GIGYF2: variants seen among roughly 807,000 people sequenced by gnomAD.
GIGYF2 encodes the protein GRB10-interacting GYF protein 2.
A neutral mutation model predicts 208.1 loss-of-function variants in GIGYF2; 25 were observed. That is an observed-to-expected ratio of 0.12 (90% CI 0.09 to 0.17). The LOEUF is 0.17. GIGYF2 is among the 10% of genes least tolerant of loss of function. The pLI is 1.00. For missense variants in GIGYF2, 1,302 were observed against 1,579.4 expected (o/e 0.82, Z 2.98); for synonymous variants, 534 against 543.8 (o/e 0.98, Z 0.25).
rs757241466 is a variant in GIGYF2, at chr2:232,856,744, C to T, written c.3833-49C>T. 9.8e-6 allele frequency: 11 copies of T among 1,118,384 alleles called. No individual in the cohort carries two copies. The Admixed American group carries it at 1.5e-4, about 15-fold the overall frequency. The allele number at this position is 1,118,384 out of a possible 1,614,324, so 69.3% of individuals were successfully genotyped here. On this transcript the variant is annotated intron_variant, in intron 28 of 28. Transcript: ENST00000373563. The stretch of plus-strand genomic sequence containing the variant: ...CCAGCTCACCGCCTAGAATTTGAGC[C>T]GCTTGGTTGCCTGGGTGTGGTCACT...
At chr2:232,836,285 T>A (rs564954086) in intron 22 of GIGYF2, among the ~76,000 whole-genome samples, 1 of 6,272 alleles carries the variant, frequency 1.6e-4, no homozygotes, top group African/African-American at 7.1e-4. Flanking sequence ...TATATATATA[T>A]ATATATATAT....
chr2:232,820,872 C>T (rs1321071719), intron 21 of GIGYF2, among the ~76,000 whole-genome samples: 1 of 151,950 alleles, frequency 6.6e-6, no homozygotes, highest in Non-Finnish European at 1.5e-5. Flanking sequence ...ACTCTGTTGC[C>T]CAGGCTGGAG....
intron 8 of GIGYF2, chr2:232,764,570 A>C (rs2106329598): frequency 6.6e-6 from 1 of 152,300 alleles, no homozygotes; most frequent in African/African-American, 2.4e-5. Flanking sequence ...TTATAGGGTC[A>C]CTCTCTATCA....
At chr2:232,846,680 A>C (rs531287697) in intron 26 of GIGYF2, among the ~76,000 whole-genome samples, 1 of 151,858 alleles carries the variant, frequency 6.6e-6, no homozygotes, top group African/African-American at 2.4e-5. Context: ...CATGTGTGCT[A>C]GGCACTCTCT....
chr2:232,826,661 C>A (rs1351444209), intron 21 of GIGYF2, among the ~76,000 whole-genome samples: 2 of 152,162 alleles, frequency 1.3e-5, no homozygotes, highest in Non-Finnish European at 1.5e-5. Flanking sequence ...TATCCAGAAT[C>A]TGCAAAGAAC....
chr2:232,782,312 C>T (rs1699746678), intron 8 of GIGYF2, among the ~76,000 whole-genome samples: 2 of 152,092 alleles, frequency 1.3e-5, no homozygotes, highest in Admixed American at 6.6e-5. Context: ...ATCCTCTCTC[C>T]TCAGCCTCCC....
chr2:232,716,031 A>G (rs943361653), intron 2 of GIGYF2, among the ~76,000 whole-genome samples: 1 of 152,172 alleles, frequency 6.6e-6, no homozygotes, highest in South Asian at 2.1e-4. Flanking sequence ...ATTTCACCTC[A>G]CTAATATTCC....
In GIGYF2 at chr2:232,775,747, A is replaced by G. The variant is rs555247797; in HGVS notation, c.533-11403A>G. ...TTCTGTTGCCATGATAAAAAATAGT[A>G]TAGTTCATACTGAGGAGTTAAGATA... On this transcript the variant is annotated intron_variant, in intron 8 of 28. Coordinates refer to ENST00000373563, the MANE Select transcript of GIGYF2 (RefSeq NM_001103146.3). 4.6e-5 allele frequency among the ~76,000 whole-genome samples: 7 copies of G among 152,330 alleles called. No individual in the cohort carries two copies. In the South Asian group the frequency reaches 1.5e-3, roughly 32 times the overall value.
At chr2:232,850,192 C>G in intron 27 of GIGYF2, 70 bp from the exon 28 acceptor site, 1 of 1,338,188 alleles carries the variant, frequency 7.5e-7, no homozygotes, top group Non-Finnish European at 1.1e-6. Context: ...GAGGACAAAC[C>G]AAACATTTTC....
At chr2:232,854,866 G>A (rs1475881447) in intron 28 of GIGYF2, among the ~76,000 whole-genome samples, 1 of 152,118 alleles carries the variant, frequency 6.6e-6, no homozygotes. Context: ...TTAGAATAAG[G>A]ACATTGCCTG....
intron 2 of GIGYF2, among the ~76,000 whole-genome samples, chr2:232,706,324 A>G (rs1272241547): frequency 6.6e-6 from 1 of 152,134 alleles, no homozygotes; most frequent in Non-Finnish European, 1.5e-5. Context: ...GTGAGGTTTA[A>G]AAGGATTTCT....
intron 2 of GIGYF2, among the ~76,000 whole-genome samples, chr2:232,725,385 C>G (rs752846209): frequency 1.3e-5 from 2 of 152,182 alleles, no homozygotes; most frequent in African/African-American, 2.4e-5. Context: ...TCCTGCACCT[C>G]CCCCTGTCCC....
rs34845648 is a variant in GIGYF2 at position 232,791,432 on chromosome 2, C to A, written c.1268C>A (p.Pro423His). 4 of 1,613,588 alleles carry A rather than the reference C, an allele frequency of 2.5e-6. No homozygotes were observed. Among genetic ancestry groups the A allele is most frequent in the South Asian group, 1.1e-5 (1 of 91,056 alleles). ...GAAAATAGTCTACCAGCCAAAGTGC[C>A]CAGCAGAGGGGATGGTATGTATTTG... ...RMENSLPAKVPSRGDEMVADV... is the reference protein window; with the variant it reads ...RMENSLPAKVHSRGDEMVADV... The change falls in exon 12 of 29, where the codon CCC becomes CAC. Residue 423 changes from proline (P) to histidine (H), a missense_variant. Around this residue, in one of 8 missense-constraint regions of GIGYF2, gnomAD observed 235 missense variants for 218.8 expected, o/e 1.07. Coordinates refer to ENST00000373563, the MANE Select transcript of GIGYF2 (RefSeq NM_001103146.3).
intron 3 of GIGYF2, among the ~76,000 whole-genome samples, chr2:232,738,596 A>G (rs959422325): frequency 3.3e-5 from 5 of 152,216 alleles, no homozygotes; most frequent in South Asian, 4.1e-4. Context: ...GTACTTTGAT[A>G]TAGATTTTTG....
intron 2 of GIGYF2, among the ~76,000 whole-genome samples, chr2:232,704,795 T>G (rs956473173): frequency 1.3e-5 from 2 of 151,820 alleles, no homozygotes; most frequent in African/African-American, 4.8e-5. Context: ...AGGAGAAGTT[T>G]CATGTGGAAA....
chr2:232,855,080 C>CTTTTTTTTTTT (rs201395041), intron 28 of GIGYF2, among the ~76,000 whole-genome samples: 36 of 109,182 alleles, frequency 3.3e-4, no homozygotes, highest in Non-Finnish European at 4.8e-4. Context: ...CTTTTTCTTT[C>CTTTTTTTTTTT]TTTTTTTTTT....
intron 8 of GIGYF2, chr2:232,768,753 T>C: frequency 6.3e-7 from 1 of 1,599,088 alleles, no homozygotes; most frequent in Non-Finnish European, 8.6e-7. Context: ...TACTGCTGTG[T>C]CAGTAAAGCG....
intron 18 of GIGYF2, among the ~76,000 whole-genome samples, 181 bp from the exon 19 acceptor site, chr2:232,815,456 G>A (rs2106390110): frequency 6.6e-6 from 1 of 152,290 alleles, no homozygotes; most frequent in Middle Eastern, 3.4e-3. Context: ...TTCTAGATGT[G>A]TTGAAGGATA....
chr2:232,723,493 C>A (rs1305037374), intron 2 of GIGYF2, among the ~76,000 whole-genome samples: 2 of 148,382 alleles, frequency 1.3e-5, no homozygotes, highest in Admixed American at 1.3e-4. Context: ...TGCAGTGGCA[C>A]GATCTCAGCT....
Sources: gnomAD v4.1 joint callset for allele counts (sites outside exome capture counted in the v4.1 genomes callset) on GRCh38, gnomAD v4.1.1 for gene constraint, gnomAD v4.1.1 regional missense constraint, MANE v1.5 for transcripts, NCBI Gene and HGNC (gene_info 2026-07-23, HGNC 2026-07-21) for gene names.